The following OR52I2 variants were observed in gnomAD, a reference collection of about 807,000 sequenced individuals.
OR52I2 encodes the protein olfactory receptor 52I2.
For synonymous variants in OR52I2, 147 were observed against 151.9 expected, an observed-to-expected ratio of 0.97 and a Z score of 0.24; for missense variants, 350 against 402.4, an observed-to-expected ratio of 0.87 and a Z score of 1.11.
At chr11:4,591,071 G>A (rs1846346896) in exon 2 of OR52I2, 1 of 152,170 alleles carries the variant, frequency 6.6e-6, no homozygotes, top group Non-Finnish European at 1.5e-5. Context: ...GCCCATCAGT[G>A]CTAGGCTCTG....
chr11:4,590,448 T>A (rs916616170), exon 2 of OR52I2: 2 of 152,190 alleles, frequency 1.3e-5, no homozygotes, highest in African/African-American at 2.4e-5. Flanking sequence ...TTGCAAAGAC[T>A]GACAATGTAA....
At position 4,587,905 on chromosome 11, in the gene OR52I2, CT is replaced by C. The variant is rs1187052125; in HGVS notation, c.*42del. 3 of 1,522,916 alleles carry C rather than the reference CT, an allele frequency of 2.0e-6. No homozygotes were observed. In the East Asian group the frequency reaches 6.8e-5, roughly 34 times the overall value. 94.3% of individuals were successfully genotyped at this position (1,522,916 alleles called of 1,614,324 possible). ...CAGATCCAGCCAATTTCAAAGATGC[CT>C]TAGAGATCTGCAGAGCTTAGTTTAC... On this transcript the variant is annotated 3_prime_UTR_variant, in exon 2 of 2. Coordinates refer to ENST00000641896, the Ensembl canonical transcript of OR52I2.
chr11:4,592,118 G>C (rs577883171), exon 2 of OR52I2: 1 of 152,158 alleles, frequency 6.6e-6, no homozygotes, highest in Non-Finnish European at 1.5e-5. Flanking sequence ...TAGAAGTATA[G>C]AATCAGGCAG....
exon 2 of OR52I2, chr11:4,590,987 G>A (rs780582694): frequency 1.3e-5 from 2 of 152,142 alleles, no homozygotes; most frequent in Non-Finnish European, 2.9e-5. Context: ...CTGTAATCAT[G>A]TCTCCAAAAC....
chr11:4,586,476 C>T (rs988116488), intron 1 of OR52I2, among the ~76,000 whole-genome samples: 3 of 152,138 alleles, frequency 2.0e-5, no homozygotes, highest in African/African-American at 4.8e-5. Context: ...TTATGGATTA[C>T]ACCCTTTGTA....
chr11:4,586,235 A>C (rs1344815022), intron 1 of OR52I2, among the ~76,000 whole-genome samples: 1 of 152,104 alleles, frequency 6.6e-6, no homozygotes. Flanking sequence ...TCATTCATGT[A>C]TTTCTTTTAC....
chr11:4,590,487 C>T (rs746236778), exon 2 of OR52I2: 18 of 152,202 alleles, frequency 1.2e-4, no homozygotes, highest in African/African-American at 3.1e-4. Flanking sequence ...TGAGAAGAAA[C>T]GTAAATGGAG....
At chr11:4,590,280 T>C (rs1229059912) in exon 2 of OR52I2, 1 of 152,190 alleles carries the variant, frequency 6.6e-6, no homozygotes, top group East Asian at 1.9e-4. Context: ...GTTTTGGAGA[T>C]GTCAAGTAAA....
At chr11:4,582,434 A>ATTTTTTTTTTTTTTTTTTT (rs386372959) in intron 1 of OR52I2, among the ~76,000 whole-genome samples, 85 of 96,458 alleles carry the variant, frequency 8.8e-4, no homozygotes, top group Non-Finnish European at 1.0e-3. Flanking sequence ...TTTATTTTTC[A>ATTTTTTTTTTTTTTTTTTT]TTTTTTTTTT....
At chr11:4,582,362 A>C (rs1303430258) in intron 1 of OR52I2, among the ~76,000 whole-genome samples, 3 of 151,686 alleles carry the variant, frequency 2.0e-5, no homozygotes, top group Admixed American at 2.0e-4. Context: ...AAATCCTCAC[A>C]GGTCTTGTGC....
At chr11:4,590,265 T>C (rs934489036) in exon 2 of OR52I2, 1 of 152,218 alleles carries the variant, frequency 6.6e-6, no homozygotes, top group African/African-American at 2.4e-5. Flanking sequence ...GCAGTTGTGT[T>C]AAATGTTTTG....
exon 2 of OR52I2, chr11:4,589,235 G>C (rs1035558596): frequency 3.3e-5 from 5 of 152,244 alleles, no homozygotes; most frequent in African/African-American, 1.2e-4. Context: ...GGATGATTGA[G>C]TATCCAGAGG....
chr11:4,581,897 C>T (rs1846260641), intron 1 of OR52I2, 33 bp downstream of exon 1: 1 of 152,198 alleles, frequency 6.6e-6, no homozygotes, highest in African/African-American at 2.4e-5. Flanking sequence ...AGGTGTTGGG[C>T]TGATAGAGAT....
exon 2 of OR52I2, chr11:4,591,677 A>C (rs1397872364): frequency 1.3e-5 from 2 of 152,210 alleles, no homozygotes; most frequent in Non-Finnish European, 2.9e-5. Flanking sequence ...TATTTGAAGC[A>C]CTAATTTAGC....
chr11:4,584,615 G>T (rs2133185441), intron 1 of OR52I2, among the ~76,000 whole-genome samples: 1 of 152,294 alleles, frequency 6.6e-6, no homozygotes, highest in Middle Eastern at 3.4e-3. Context: ...GTAGGCAAAA[G>T]TAAGGGAGAC....
chr11:4,591,044 T>A (rs1270671311), exon 2 of OR52I2: 1 of 152,164 alleles, frequency 6.6e-6, no homozygotes, highest in Non-Finnish European at 1.5e-5. Context: ...CAGCTGCTGG[T>A]GGTACCTAAC....
At chr11:4,586,927 C>T in exon 2 of OR52I2, 1 of 1,614,122 alleles carries the variant, frequency 6.2e-7, no homozygotes. Flanking sequence ...AATGGAAACC[C>T]CTGCCTCCTT....
At chr11:4,591,548 G>C (rs1006802746) in exon 2 of OR52I2, 1 of 152,040 alleles carries the variant, frequency 6.6e-6, no homozygotes, top group Admixed American at 6.5e-5. Flanking sequence ...GTTTTAGGAA[G>C]GAGATCAATT....
At chr11:4,588,550 C>G (rs1053750905) in exon 2 of OR52I2, 1 of 152,382 alleles carries the variant, frequency 6.6e-6, no homozygotes, top group African/African-American at 2.4e-5. Flanking sequence ...CCTTCTCATA[C>G]TTTTGTGCTC....
Sources: gnomAD v4.1 joint callset for allele counts (sites outside exome capture counted in the v4.1 genomes callset) on GRCh38, gnomAD v4.1.1 for gene constraint, MANE v1.5 for transcripts, NCBI Gene and HGNC (gene_info 2026-07-23, HGNC 2026-07-21) for gene names.